Variants in FBN1 observed in about 807,000 individuals in gnomAD.
The protein encoded by FBN1 is fibrillin 1, also known as fibrillin-1.
In FBN1, 29 loss-of-function variants were observed where a neutral mutation model predicts 365.1. That is an observed-to-expected ratio of 0.08 (90% CI 0.06 to 0.11). The LOEUF is 0.11. Ranked by LOEUF, FBN1 falls within the 10% of genes least tolerant of loss-of-function variation. The pLI is 1.00. For missense variants in FBN1, 2,476 were observed against 3,703.2 expected (o/e 0.67, Z 8.60); for synonymous variants, 1,210 against 1,270.5 (o/e 0.95, Z 1.01).
At chr15:48,521,403 A>G (rs986021826) in intron 9 of FBN1, among the ~76,000 whole-genome samples, 10 of 152,184 alleles carry the variant, frequency 6.6e-5, no homozygotes, top group African/African-American at 2.4e-4. Flanking sequence ...CTTTTGTCTT[A>G]GGGCCCTAAC....
Position 48,505,050 on chromosome 15 carries a change from C to G in FBN1, c.1935G>C (p.Val645=). 1 of 1,614,200 alleles carries G rather than the reference C, an allele frequency of 6.2e-7. No homozygotes were observed. Among genetic ancestry groups the G allele is most frequent in the South Asian group, 1.1e-5 (1 of 91,084 alleles). ...CAACACACACACGGCCATCCAGACC[C>G]ACAGCCAGTCCAGGGAAGCATTCAC... ...YRCECFPGLA[V]GLDGRVCVDT... Residue 645 remains valine, a synonymous_variant, in exon 16 of 66, where the codon GTG becomes GTC. Coordinates refer to ENST00000316623, the MANE Select transcript of FBN1 (RefSeq NM_000138.5).
intron 63 of FBN1, among the ~76,000 whole-genome samples, chr15:48,418,431 T>A (rs547945004): frequency 1.4e-4 from 21 of 152,342 alleles, no homozygotes; most frequent in African/African-American, 5.1e-4. Flanking sequence ...AACTTGCTTA[T>A]CTAGGTTGGA....
At chr15:48,495,413 A>G in intron 21 of FBN1, 56 bp downstream of exon 21, 1 of 1,602,904 alleles carries the variant, frequency 6.2e-7, no homozygotes. Flanking sequence ...AAAAGCTGAC[A>G]TTAAGTATAA....
Position 48,492,481 on chromosome 15 carries a change from G to A in FBN1, c.2834C>T (p.Ala945Val). 1.2e-6 allele frequency: 2 copies of A among 1,613,416 alleles called. No homozygotes were observed. The highest frequency in any genetic ancestry group is 1.1e-5 in the South Asian group (1 of 91,024). Residue 945 changes from alanine to valine, a missense_variant, in exon 24 of 66, where the codon GCC (alanine) becomes GTC (valine). Physicochemically the swap from Ala to Val is moderately conservative, Grantham distance 64 (BLOSUM62 0). Coordinates refer to ENST00000316623, the MANE Select transcript of FBN1 (RefSeq NM_000138.5). ...CQCPSGMTLD[A>V]TGRICLDIRL... Reference sequence around the variant, plus strand: ...TTTACCAAGACAGATCCTTCCTGTGGCATCCAAAGTCATTCCACTGGGACA... The same window carrying A: ...TTTACCAAGACAGATCCTTCCTGTGACATCCAAAGTCATTCCACTGGGACA...
intron 8 of FBN1, among the ~76,000 whole-genome samples, chr15:48,528,093 C>G (rs182487490): frequency 7.2e-5 from 11 of 152,344 alleles, no homozygotes; most frequent in African/African-American, 2.2e-4. Context: ...AAGTTAGTAT[C>G]TGAGTCCTAC....
At chr15:48,456,837 T>C in intron 43 of FBN1, 75 bp from the exon 44 acceptor site, 1 of 1,329,876 alleles carries the variant, frequency 7.5e-7, no homozygotes, top group Non-Finnish European at 1.0e-6. Flanking sequence ...AGATGGAAAG[T>C]GCGTGCGTGT....
rs779463696 is a variant in FBN1 at position 48,432,853 on chromosome 15, C to T, written c.6739+13G>A. 2 of 1,613,454 alleles carry T rather than the reference C, an allele frequency of 1.2e-6. No homozygotes were observed. Among genetic ancestry groups the T allele is most frequent in the South Asian group, 2.2e-5 (2 of 91,074 alleles). On this transcript the variant is annotated intron_variant, in intron 55 of 65. Transcript: ENST00000316623. ...GCTTCCTGGCTTAGATGACCTTGAA[C>T]ACGATGACTCACCTTTGCACATCCT...
chr15:48,483,605 A>G (rs1053558290), intron 31 of FBN1, among the ~76,000 whole-genome samples: 1 of 152,252 alleles, frequency 6.6e-6, no homozygotes, highest in South Asian at 2.1e-4. Context: ...ACGAATGGCC[A>G]GTCAGTCCTC....
chr15:48,537,911 G>C, intron 6 of FBN1, 103 bp from the exon 7 acceptor site: 1 of 1,161,086 alleles, frequency 8.6e-7, no homozygotes, highest in Non-Finnish European at 1.3e-6. Context: ...ATTGAGAAAT[G>C]AATTTCAGGG....
In FBN1 at chr15:48,526,144, C is replaced by G. The variant is rs768514422; in HGVS notation, c.974G>C (p.Gly325Ala). Residue 325 changes from glycine (G) to alanine (A), a missense_variant, in exon 9 of 66, where the codon GGT (glycine) becomes GCT (alanine). Gly to Ala is a moderately conservative substitution (Grantham distance 60, BLOSUM62 0). This residue lies in a region of FBN1 where 421 missense variants were observed against 520.1 expected (regional missense o/e 0.81). Transcript: ENST00000316623. ...CPPGFYTSPD[G>A]TRCIDVRPGY... ...ATTAAACCTACCTATGCATCTGGTA[C>G]CATCTGGAGAGGTGTAAAAACCAGG... The G allele has an allele frequency of 6.2e-7, 1 of 1,614,000 alleles. No homozygotes were observed. The highest frequency in any genetic ancestry group is 1.3e-5 in the African/African-American group (1 of 74,888).
chr15:48,546,700 G>T (rs2044096040), intron 6 of FBN1, among the ~76,000 whole-genome samples: 1 of 152,158 alleles, frequency 6.6e-6, no homozygotes, highest in South Asian at 2.1e-4. Context: ...GCTCCTTTAA[G>T]GGCTCAGGAG....
intron 62 of FBN1, 99 bp from the exon 63 acceptor site, chr15:48,420,905 T>G (rs2042936246): frequency 7.3e-7 from 1 of 1,370,212 alleles, no homozygotes; most frequent in South Asian, 1.2e-5. Flanking sequence ...ATCCTACACA[T>G]TATTCTACCA....
intron 6 of FBN1, among the ~76,000 whole-genome samples, chr15:48,592,585 G>A (rs2044486037): frequency 6.6e-6 from 1 of 152,064 alleles, no homozygotes; most frequent in Admixed American, 6.6e-5. Flanking sequence ...GTTGCTCAAG[G>A]CCCAAGCAAA....
At chr15:48,453,532 T>C (rs2043218263) in intron 44 of FBN1, among the ~76,000 whole-genome samples, 1 of 152,056 alleles carries the variant, frequency 6.6e-6, no homozygotes, top group African/African-American at 2.4e-5. Flanking sequence ...AGAGAATTTT[T>C]AGGGCAATGA....
At chr15:48,545,898 G>A (rs551777904) in intron 6 of FBN1, among the ~76,000 whole-genome samples, 52 of 152,086 alleles carry the variant, frequency 3.4e-4, no homozygotes, top group African/African-American at 1.1e-3. Context: ...GATGGTAGGC[G>A]CCTGTACTCC....
rs372369490 is a variant in FBN1, at chr15:48,425,793, G to A, written c.7276C>T (p.His2426Tyr). Residue 2426 changes from histidine (H) to tyrosine (Y), a missense_variant, in exon 59 of 66, where the codon CAT (histidine) becomes TAT (tyrosine). This residue lies in a region of FBN1 where 1,780 missense variants were observed against 2,840.8 expected (regional missense o/e 0.63). Coordinates refer to ENST00000316623, the MANE Select transcript of FBN1 (RefSeq NM_000138.5). ...GECVNDRGSY[H>Y]CICKTGYTPD... Reference sequence around the variant, plus strand: ...GTGTACCCAGTTTTACAAATGCAATGATATGATCCTCTGTCATTGACACAT... The same window carrying A: ...GTGTACCCAGTTTTACAAATGCAATAATATGATCCTCTGTCATTGACACAT... 11 of 1,612,580 alleles carry A rather than the reference G, an allele frequency of 6.8e-6. No individual in the cohort carries two copies. Among genetic ancestry groups the A allele is most frequent in the African/African-American group, 1.3e-5 (1 of 74,942 alleles).
chr15:48,427,750 T>A lies in FBN1; in HGVS notation c.7021A>T (p.Thr2341Ser). Residue 2341 changes from threonine to serine, a missense_variant, in exon 58 of 66, where the codon ACA becomes TCA. Thr to Ser is a moderately conservative substitution (Grantham distance 58, BLOSUM62 1). Coordinates refer to ENST00000316623, the MANE Select transcript of FBN1 (RefSeq NM_000138.5). ...CLDNREGYCF[T>S]EVLQNMCQIG... The stretch of plus-strand genomic sequence containing the variant: ...TGACACATGTTTTGTAGCACCTCTG[T>A]GAAGCAGTACCCTTCCCGATTGTCT... 1 of 1,614,006 alleles carries A rather than the reference T, an allele frequency of 6.2e-7. No homozygotes were observed. The highest frequency in any genetic ancestry group is 8.5e-7 in the Non-Finnish European group (1 of 1,179,964).
chr15:48,420,891 A>G, intron 62 of FBN1, 85 bp from the exon 63 acceptor site: 1 of 1,431,314 alleles, frequency 7.0e-7, no homozygotes, highest in Non-Finnish European at 9.7e-7. Context: ...TCTGGCCCCT[A>G]CACATCCTAC....
chr15:48,520,177 G>C (rs1191745650), intron 10 of FBN1, among the ~76,000 whole-genome samples: 3 of 151,508 alleles, frequency 2.0e-5, no homozygotes, highest in African/African-American at 4.9e-5. Context: ...GTCCAGACTA[G>C]AGAAAATACG....
Sources: allele counts gnomAD v4.1 joint callset (sites outside exome capture counted in the v4.1 genomes callset), GRCh38; gene constraint gnomAD v4.1.1; regional missense constraint gnomAD v4.1.1; transcripts MANE v1.5; gene names NCBI Gene and HGNC (gene_info 2026-07-23, HGNC 2026-07-21).